ADAMTS9: variants seen among roughly 807,000 people sequenced by gnomAD.
The protein encoded by ADAMTS9 is ADAM metallopeptidase with thrombospondin type 1 motif 9.
Under a neutral mutation model 257.1 loss-of-function variants are expected in ADAMTS9, and 107 were observed. The observed-to-expected ratio is 0.42, with a 90% CI of 0.36 to 0.49. ADAMTS9 has a LOEUF of 0.49. ADAMTS9 is among the 20% of genes least tolerant of loss of function. ADAMTS9 has a pLI of 0.03. For missense variants in ADAMTS9, 2,353 were observed against 2,469.1 expected, an observed-to-expected ratio of 0.95 and a Z score of 1.00; for synonymous variants, 982 against 880.9, an observed-to-expected ratio of 1.11 and a Z score of -2.03.
At chr3:64,588,964 T>C (rs2084210854) in intron 28 of ADAMTS9, 1 of 152,232 alleles carries the variant, frequency 6.6e-6, no homozygotes, top group Non-Finnish European at 1.5e-5. Context: ...TATCTTATTT[T>C]TTATACTCCA....
At chr3:64,632,345 A>C (rs1700387167) in intron 14 of ADAMTS9, among the ~76,000 whole-genome samples, 1 of 152,230 alleles carries the variant, frequency 6.6e-6, no homozygotes, top group Non-Finnish European at 1.5e-5. Flanking sequence ...GCCCCATCTT[A>C]AGGGAGTAGC....
chr3:64,685,066 C>G (rs1701861289), intron 2 of ADAMTS9: 1 of 152,256 alleles, frequency 6.6e-6, no homozygotes, highest in South Asian at 2.1e-4. Flanking sequence ...TGCAGCACCC[C>G]CTCCCACTTC....
intron 29 of ADAMTS9, among the ~76,000 whole-genome samples, chr3:64,567,960 G>GC (rs1319364154): frequency 1.3e-5 from 2 of 152,122 alleles, no homozygotes; most frequent in African/African-American, 2.4e-5. Context: ...TTCGTCAACA[G>GC]CCCTTTCTTC....
intron 38 of ADAMTS9, among the ~76,000 whole-genome samples, chr3:64,530,644 A>G (rs2106888078): frequency 6.6e-6 from 1 of 152,192 alleles, no homozygotes; most frequent in South Asian, 2.1e-4. Flanking sequence ...TCTTTCCATA[A>G]GGTGGCGCTC....
chr3:64,580,864 T>C (rs937038353), intron 28 of ADAMTS9, among the ~76,000 whole-genome samples: 4 of 152,186 alleles, frequency 2.6e-5, no homozygotes, highest in African/African-American at 9.7e-5. Flanking sequence ...TCAGGCTTGT[T>C]TCTTTTATGC....
At chr3:64,624,225 TAAAC>T (rs764181120) in intron 16 of ADAMTS9, among the ~76,000 whole-genome samples, 36 of 129,158 alleles carry the variant, frequency 2.8e-4, no homozygotes, top group Middle Eastern at 4.0e-3. Context: ...AGTGTTGAAA[TAAAC>T]AAAGAGAGTG....
intron 23 of ADAMTS9, among the ~76,000 whole-genome samples, chr3:64,606,515 G>T (rs976387583): frequency 3.3e-5 from 5 of 152,098 alleles, no homozygotes; most frequent in African/African-American, 1.2e-4. Context: ...TTTAATTATA[G>T]ATTTATATTT....
At chr3:64,540,972 T>C (rs957635623) in intron 36 of ADAMTS9, 123 bp downstream of exon 36, 8 of 1,274,436 alleles carry the variant, frequency 6.3e-6, no homozygotes, top group Admixed American at 2.5e-5. Context: ...CTCTCCATAC[T>C]AGCCAATGTG....
Position 64,550,874 on chromosome 3 carries a change from C to T in ADAMTS9, c.4869+18G>A, listed in dbSNP as rs971828502. On this transcript the variant is annotated intron_variant, in intron 31 of 39. Transcript: ENST00000498707. Reference sequence around the variant, plus strand: ...GCCATGGCTGAGCTGACGATGGTTACAGTTCCCAGGACGGTACCTCTGACC... The same window carrying T: ...GCCATGGCTGAGCTGACGATGGTTATAGTTCCCAGGACGGTACCTCTGACC... The T allele has an allele frequency of 1.3e-5, 21 of 1,613,406 alleles. No individual in the cohort carries two copies. The highest frequency in any genetic ancestry group is 1.8e-5 in the Non-Finnish European group (21 of 1,179,468).
At chr3:64,647,721 A>T (rs1291526237) in intron 11 of ADAMTS9, among the ~76,000 whole-genome samples, 2 of 152,264 alleles carry the variant, frequency 1.3e-5, no homozygotes, top group Non-Finnish European at 2.9e-5. Flanking sequence ...ATATTGAAGC[A>T]ATAATGATAG....
intron 16 of ADAMTS9, among the ~76,000 whole-genome samples, chr3:64,629,583 T>C (rs1396720682): frequency 2.0e-5 from 3 of 152,250 alleles, no homozygotes; most frequent in Non-Finnish European, 4.4e-5. Flanking sequence ...CATCTCACCC[T>C]TGGTATCCCG....
rs751541169 is a variant in ADAMTS9, at chr3:64,606,909, T to C, written c.3474+51A>G. The C allele has an allele frequency of 6.2e-6, 10 of 1,608,168 alleles. No homozygotes were observed. The South Asian group carries it at 1.1e-4, about 18-fold the overall frequency. The stretch of plus-strand genomic sequence containing the variant: ...ATTTTGTCTAAACAGCTGGGCAGTT[T>C]GGTACCTTGGTCCCCAAAGTCAATA... On this transcript the variant is annotated intron_variant, in intron 23 of 39. Transcript: ENST00000498707.
intron 3 of ADAMTS9, among the ~76,000 whole-genome samples, chr3:64,668,669 G>A (rs1701408240): frequency 6.6e-6 from 1 of 152,164 alleles, no homozygotes; most frequent in Non-Finnish European, 1.5e-5. Flanking sequence ...TGGAGGCACG[G>A]GCTGTGCTGA....
intron 36 of ADAMTS9, among the ~76,000 whole-genome samples, chr3:64,540,126 T>C (rs1411329803): frequency 1.3e-5 from 2 of 152,330 alleles, no homozygotes; most frequent in Admixed American, 6.5e-5. Flanking sequence ...AAGGGGACCT[T>C]GCCTGCTTCA....
chr3:64,551,565 C>G (rs931481439), intron 30 of ADAMTS9, among the ~76,000 whole-genome samples: 2 of 152,146 alleles, frequency 1.3e-5, no homozygotes, highest in East Asian at 1.9e-4. Flanking sequence ...CATTCACCAC[C>G]CAGCTGTCTA....
At chr3:64,657,112 T>TGC (rs1482897051) in intron 4 of ADAMTS9, among the ~76,000 whole-genome samples, 1 of 152,052 alleles carries the variant, frequency 6.6e-6, no homozygotes, top group Non-Finnish European at 1.5e-5. Context: ...TATGCGAACA[T>TGC]GTTTGCATAA....
At chr3:64,552,036 T>C (rs2083277615) in intron 30 of ADAMTS9, among the ~76,000 whole-genome samples, 1 of 152,150 alleles carries the variant, frequency 6.6e-6, no homozygotes, top group South Asian at 2.1e-4. Context: ...ACATTCTCTG[T>C]TTTCAGAGAG....
intron 30 of ADAMTS9, among the ~76,000 whole-genome samples, chr3:64,554,780 A>G (rs2083310375): frequency 6.6e-6 from 1 of 152,198 alleles, no homozygotes; most frequent in South Asian, 2.1e-4. Flanking sequence ...GTGCCTTTAA[A>G]TATGCTGAAA....
chr3:64,650,923 G>T, intron 9 of ADAMTS9, 94 bp downstream of exon 9: 1 of 1,282,786 alleles, frequency 7.8e-7, no homozygotes, highest in Non-Finnish European at 1.1e-6. Context: ...AACTCAAAAG[G>T]AATGTTTGAC....
Sources: gnomAD v4.1 joint callset for allele counts (sites outside exome capture counted in the v4.1 genomes callset) on GRCh38, gnomAD v4.1.1 for gene constraint, MANE v1.5 for transcripts, NCBI Gene and HGNC (gene_info 2026-07-23, HGNC 2026-07-21) for gene names.